Variants in RASSF1 observed in about 807,000 individuals in gnomAD.
RASSF1 encodes Ras association domain family member 1.
In RASSF1, 33 loss-of-function variants were observed where a neutral mutation model predicts 34.3. The observed-to-expected ratio is 0.96, with a 90% CI of 0.73 to 1.29. The LOEUF is 1.29. Ranked by LOEUF, RASSF1 falls within the 50% of genes most tolerant of loss-of-function variation. The pLI, the probability that RASSF1 is intolerant of heterozygous loss-of-function variation, is 0.00. For missense variants in RASSF1, 445 were observed against 471.8 expected (o/e 0.94, Z 0.53); for synonymous variants, 191 against 195.0 (o/e 0.98, Z 0.17).
In RASSF1 at chr3:50,330,136, T is replaced by A. The variant is rs1046310243; in HGVS notation, c.*445A>T. ...CAAGACTCTTCCTCAATGCCTGCCT[T>A]ATTCTGAGCACCCACCCTTAGCTCT... On this transcript the variant is annotated 3_prime_UTR_variant, in exon 6 of 6. Coordinates refer to ENST00000359365, the MANE Select transcript of RASSF1 (RefSeq NM_007182.5). The surrounding 1 kb of genome is among the most constrained non-coding windows in gnomAD (Gnocchi z 4.5). 15 of 160,376 alleles carry A rather than the reference T, an allele frequency of 9.4e-5. No individual in the cohort carries two copies. Among genetic ancestry groups the A allele is most frequent in the Admixed American group, 1.9e-4 (3 of 16,174 alleles). The allele number at this position is 160,376 out of a possible 1,614,324, so 9.9% of individuals were successfully genotyped here.
chr3:50,337,081 G>A, intron 2 of RASSF1: 4 of 1,418,122 alleles, frequency 2.8e-6, no homozygotes, highest in South Asian at 1.4e-5. Context: ...GGGTGGGGCT[G>A]CCCACCGACC....
chr3:50,330,749 T>C lies in RASSF1; in HGVS notation c.877-22A>G, dbSNP rs973771000. The C allele has an allele frequency of 6.2e-7, 1 of 1,611,002 alleles. No individual in the cohort carries two copies. The highest frequency in any genetic ancestry group is 8.5e-7 in the Non-Finnish European group (1 of 1,178,370). ...CCCACTGCAAGGGGCAAAAGGGGAGTGTACAGGCTGCAGAAGGGATGGCCA... is the reference window on the plus strand; with the variant it reads ...CCCACTGCAAGGGGCAAAAGGGGAGCGTACAGGCTGCAGAAGGGATGGCCA... On this transcript the variant is annotated intron_variant, in intron 5 of 5. Transcript: ENST00000359365. The surrounding 1 kb of genome is among the most constrained non-coding windows in gnomAD (Gnocchi z 4.5).
chr3:50,338,703 T>A (rs888493841), intron 1 of RASSF1, among the ~76,000 whole-genome samples: 2 of 152,008 alleles, frequency 1.3e-5, no homozygotes, highest in Admixed American at 1.3e-4. Flanking sequence ...AAGACACTGG[T>A]CTCTATACAC....
rs1553718149 is a variant in RASSF1 at position 50,330,585 on chromosome 3, C to T, written c.1019G>A (p.Gly340Glu). The change falls in exon 6 of 6, where the codon GGG becomes GAG. Residue 340 changes from glycine (G) to glutamate (E), a missense_variant. Coordinates refer to ENST00000359365, the MANE Select transcript of RASSF1 (RefSeq NM_007182.5). The surrounding 1 kb of genome is among the most constrained non-coding windows in gnomAD (Gnocchi z 4.5). The stretch of plus-strand genomic sequence containing the variant: ...TCCACCTGGGGGTACAAGAGGTCAC[C>T]CAAGGGGGCAGGCGTGCAGGGCCTC... ...IQEALHACPL[G>E] is the part of the protein sequence containing the mutation. 1.2e-6 allele frequency: 2 copies of T among 1,613,926 alleles called. No individual in the cohort carries two copies. Among genetic ancestry groups the T allele is most frequent in the South Asian group, 2.2e-5 (2 of 91,080 alleles).
intron 2 of RASSF1, chr3:50,337,210 G>A (rs587756900): frequency 1.2e-6 from 2 of 1,612,770 alleles, no homozygotes; most frequent in East Asian, 2.2e-5. Context: ...CGAGGTTCGC[G>A]CGGTGAAGTA....
intron 2 of RASSF1, chr3:50,337,343 T>C (rs1703185308): frequency 6.2e-7 from 1 of 1,606,872 alleles, no homozygotes; most frequent in Admixed American, 1.7e-5. Flanking sequence ...CGTCCCCCAG[T>C]CCTGCGCGTC....
Position 50,331,792 on chromosome 3 carries a change from A to T in RASSF1, c.527T>A (p.Val176Glu). 6.2e-7 allele frequency: 1 copy of T among 1,603,096 alleles called. No individual in the cohort carries two copies. Among genetic ancestry groups the T allele is most frequent in the East Asian group, 2.2e-5 (1 of 44,578 alleles). Residue 176 changes from valine to glutamate, a missense_variant, in exon 4 of 6, where the codon GTG (valine) becomes GAG (glutamate). By Grantham distance (121) the Val-to-Glu change is moderately radical. Transcript: ENST00000359365. ...VQLKLVRPVS[V>E]PSSKKPPSLQ... ...GGAGGGTGGCTTCTTGCTGGAGGGC[A>T]CAGAGACAGGGCGCACCAGCTTCAG...
In RASSF1 at chr3:50,331,791, C is replaced by A; in HGVS notation, c.528G>T (p.Val176=). 1 of 1,602,762 alleles carries A rather than the reference C, an allele frequency of 6.2e-7. No individual in the cohort carries two copies. Residue 176 remains valine, a synonymous_variant, in exon 4 of 6, where the codon GTG becomes GTT. Transcript: ENST00000359365. ...VQLKLVRPVS[V]PSSKKPPSLQ... is the part of the protein sequence containing the mutation. Reference sequence around the variant, plus strand: ...AGGAGGGTGGCTTCTTGCTGGAGGGCACAGAGACAGGGCGCACCAGCTTCA... The same window carrying A: ...AGGAGGGTGGCTTCTTGCTGGAGGGAACAGAGACAGGGCGCACCAGCTTCA...
Position 50,337,385 on chromosome 3 carries a change from CGTGCGTGTACGCGTGTCAGT to C in RASSF1, c.357+500_357+519del. On this transcript the variant is annotated intron_variant, in intron 2 of 5. Coordinates refer to ENST00000359365, the MANE Select transcript of RASSF1 (RefSeq NM_007182.5). ...CGCCAACCACCGCCCCGGTCGCGTG[CGTGCGTGTACGCGTGTCAGT>C]GTGCGCGTGCGCCCGGGCCAGAGCC... is the stretch of plus-strand genomic sequence containing the variant. 4 of 1,594,200 alleles carry C rather than the reference CGTGCGTGTACGCGTGTCAGT, an allele frequency of 2.5e-6. No individual in the cohort carries two copies. The Admixed American group carries it at 6.8e-5, about 27-fold the overall frequency.
intron 2 of RASSF1, chr3:50,337,610 C>G (rs1703202242): frequency 1.7e-6 from 2 of 1,165,674 alleles, no homozygotes; most frequent in East Asian, 5.3e-5. Context: ...AGCGTCCGGG[C>G]AAGCGCACAA....
At position 50,330,756 on chromosome 3, in the gene RASSF1, G is replaced by A. The variant is rs782389138; in HGVS notation, c.877-29C>T. The A allele has an allele frequency of 3.7e-6, 6 of 1,607,868 alleles. No individual in the cohort carries two copies. The Admixed American group carries it at 6.7e-5, about 18-fold the overall frequency. ...CAAGGGGCAAAAGGGGAGTGTACAG[G>A]CTGCAGAAGGGATGGCCAAGCCAGC... On this transcript the variant is annotated intron_variant, in intron 5 of 5. Transcript: ENST00000359365. This position sits in a 1 kb window ranked among gnomAD's most constrained non-coding sequence, Gnocchi z 4.5.
At chr3:50,337,003 C>T in intron 2 of RASSF1, 1 of 945,116 alleles carries the variant, frequency 1.1e-6, no homozygotes, top group Middle Eastern at 3.4e-4. Context: ...GCGGTGGAAT[C>T]GGGGTCTTAC....
intron 2 of RASSF1, 50 bp from the exon 3 acceptor site, chr3:50,332,204 T>G (rs1258089685): frequency 6.4e-7 from 1 of 1,553,282 alleles, no homozygotes; most frequent in Non-Finnish European, 8.9e-7. Context: ...ACCCAGGGCT[T>G]CTCTGAAAAA....
chr3:50,337,028 G>A, intron 2 of RASSF1: 1 of 1,142,468 alleles, frequency 8.8e-7, no homozygotes, highest in South Asian at 1.7e-5. Context: ...GGTTCCGCGG[G>A]CAGGTCCCCG....
intron 2 of RASSF1, chr3:50,337,421 G>T: frequency 6.3e-7 from 1 of 1,582,036 alleles, no homozygotes; most frequent in Non-Finnish European, 8.6e-7. Flanking sequence ...CGTGCGCCCG[G>T]GCCAGAGCCG....
intron 1 of RASSF1, among the ~76,000 whole-genome samples, chr3:50,338,724 C>A (rs764613072): frequency 1.3e-5 from 2 of 152,174 alleles, no homozygotes; most frequent in Non-Finnish European, 2.9e-5. Context: ...TCTAATCCTT[C>A]GCCTTCACTC....
intron 2 of RASSF1, among the ~76,000 whole-genome samples, chr3:50,336,116 T>G (rs1703126568): frequency 6.6e-6 from 1 of 152,194 alleles, no homozygotes; most frequent in African/African-American, 2.4e-5. Flanking sequence ...CTTTCCACAG[T>G]GGAAAATGGC....
chr3:50,340,676 G>C lies in RASSF1; in HGVS notation c.130C>G (p.Arg44Gly), dbSNP rs1290817625. ...IARGTACNPT[R>G]QLVPGRGHRF... is the part of the protein sequence containing the mutation. ...TGGCCACGGCCAGGGACCAGCTGCC[G>C]TGTGGGGTTGCACGCGGTGCCCCGC... The change falls in exon 1 of 6, where the codon CGG becomes GGG. Residue 44 changes from arginine to glycine, a missense_variant. Arg to Gly is a moderately radical substitution (Grantham distance 125, BLOSUM62 -2). Transcript: ENST00000359365. 1 of 1,534,824 alleles carries C rather than the reference G, an allele frequency of 6.5e-7. No individual in the cohort carries two copies. Among genetic ancestry groups the C allele is most frequent in the East Asian group, 2.6e-5 (1 of 38,144 alleles).
At position 50,330,676 on chromosome 3, in the gene RASSF1, G is replaced by A. The variant is rs782017755; in HGVS notation, c.928C>T (p.Arg310Trp). The change falls in exon 6 of 6, where the codon CGG becomes TGG. Residue 310 changes from arginine to tryptophan, a missense_variant. By Grantham distance (101) the Arg-to-Trp change is moderately radical (BLOSUM62 -3). Transcript: ENST00000359365. The surrounding 1 kb of genome is among the most constrained non-coding windows in gnomAD (Gnocchi z 4.5). ...TGGCGGAGGTGCTCCTCCTCCTCCC[G>A]CTGCAGGATACGTAGGAAGTTATGT... The part of the protein sequence containing the change: ...ELHNFLRILQ[R>W]EEEEHLRQIL... 16 of 1,613,934 alleles carry A rather than the reference G, an allele frequency of 9.9e-6. No individual in the cohort carries two copies. In the East Asian group the frequency reaches 1.6e-4, roughly 16 times the overall value.
Sources: gnomAD v4.1 joint callset for allele counts (sites outside exome capture counted in the v4.1 genomes callset) on GRCh38, gnomAD v4.1.1 for gene constraint, Gnocchi (gnomAD v3.1) non-coding constraint, MANE v1.5 for transcripts, NCBI Gene and HGNC (gene_info 2026-07-23, HGNC 2026-07-21) for gene names.